Variants in RPA3 observed in about 807,000 individuals in gnomAD.
The protein encoded by RPA3 is replication protein A 14 kDa subunit.
In RPA3, 24 loss-of-function variants were observed where a neutral mutation model predicts 13.7. The observed-to-expected ratio is 1.75, with a 90% CI of 1.27 to 2.46. The LOEUF is 2.46. RPA3 is among the 30% of genes most tolerant of loss of function. The probability of loss-of-function intolerance (pLI) is 0.00; values close to 1 mark genes in which losing one functional copy is unlikely to be tolerated. For missense variants in RPA3, 183 were observed against 151.0 expected (o/e 1.21, Z -1.11); for synonymous variants, 59 against 51.2 (o/e 1.15, Z -0.65).
intron 4 of RPA3, among the ~76,000 whole-genome samples, chr7:7,683,749 A>C (rs1311220750): frequency 6.6e-6 from 1 of 151,916 alleles, no homozygotes; most frequent in Non-Finnish European, 1.5e-5. Flanking sequence ...CAGCCTCCCA[A>C]GTAGCTGGGA....
chr7:7,676,016 G>A, intron 4 of RPA3: 1 of 396,586 alleles, frequency 2.5e-6, no homozygotes, highest in East Asian at 3.6e-5. Context: ...AAGTTTTGAT[G>A]GTATCAGTCA....
chr7:7,673,186 C>T, intron 4 of RPA3: 2 of 721,054 alleles, frequency 2.8e-6, no homozygotes, highest in African/African-American at 1.7e-5. Context: ...CATGGTTTTA[C>T]ATGTGGCCAT....
intron 2 of RPA3, among the ~76,000 whole-genome samples, chr7:7,699,627 C>G (rs749520665): frequency 6.6e-6 from 1 of 152,124 alleles, no homozygotes; most frequent in African/African-American, 2.4e-5. Context: ...AAGTTTAGGA[C>G]CAGAAAAGAC....
intron 4 of RPA3, among the ~76,000 whole-genome samples, chr7:7,664,913 T>C (rs1023394493): frequency 1.3e-5 from 2 of 152,164 alleles, no homozygotes; most frequent in South Asian, 4.2e-4. Flanking sequence ...AGGAGGAAGG[T>C]TAAACATCGT....
rs139740364 is a variant in RPA3 at position 7,637,894 on chromosome 7, C to T, written c.253G>A (p.Val85Ile). 2 of 1,613,136 alleles carry T rather than the reference C, an allele frequency of 1.2e-6. No homozygotes were observed. The highest frequency in any genetic ancestry group is 2.7e-5 in the African/African-American group (2 of 74,878). ...GGATGGCTATCTTCTTTAAACTGGA[C>T]ATAAGATGTACACAAGATGGTGGCC... ...AKATILCTSY[V>I]QFKEDSHPFD... The change falls in exon 7 of 8, where the codon GTC becomes ATC. Residue 85 changes from valine to isoleucine, a missense_variant. Val to Ile is a conservative substitution (Grantham distance 29, BLOSUM62 3). Coordinates refer to ENST00000223129, the MANE Select transcript of RPA3 (RefSeq NM_002947.5).
chr7:7,667,367 G>C (rs1317974313), intron 4 of RPA3, among the ~76,000 whole-genome samples: 2 of 152,192 alleles, frequency 1.3e-5, no homozygotes, highest in East Asian at 1.9e-4. Context: ...CGGAAGTCCA[G>C]CTGTCAAGGC....
At chr7:7,657,786 G>C (rs1008458969) in intron 4 of RPA3, among the ~76,000 whole-genome samples, 1 of 152,098 alleles carries the variant, frequency 6.6e-6, no homozygotes, top group Non-Finnish European at 1.5e-5. Flanking sequence ...GATTATCTTG[G>C]CTATGTGGGC....
chr7:7,643,482 GGGT>G (rs1298946120), intron 4 of RPA3, among the ~76,000 whole-genome samples: 3 of 152,112 alleles, frequency 2.0e-5, no homozygotes. Context: ...AGGCTGAAGC[GGGT>G]GGATCACCTC....
intron 2 of RPA3, among the ~76,000 whole-genome samples, chr7:7,701,957 CTCT>C (rs1410307168): frequency 2.0e-5 from 3 of 152,188 alleles, no homozygotes; most frequent in Non-Finnish European, 4.4e-5. Flanking sequence ...GACCTCTTTT[CTCT>C]TCTTAACGAA....
chr7:7,642,833 T>A (rs959477119), intron 4 of RPA3, among the ~76,000 whole-genome samples: 2 of 152,114 alleles, frequency 1.3e-5, no homozygotes, highest in Non-Finnish European at 2.9e-5. Context: ...TATCTTGAAA[T>A]TTGTGTTAAG....
chr7:7,695,038 T>C (rs1463099881), intron 2 of RPA3, among the ~76,000 whole-genome samples: 1 of 152,204 alleles, frequency 6.6e-6, no homozygotes, highest in Non-Finnish European at 1.5e-5. Flanking sequence ...GCCATATCCT[T>C]GCCAGTGTTT....
intron 4 of RPA3, among the ~76,000 whole-genome samples, chr7:7,647,438 C>CA (rs1448136621): frequency 6.6e-6 from 1 of 151,916 alleles, no homozygotes; most frequent in Non-Finnish European, 1.5e-5. Context: ...GTGTGCTTGG[C>CA]AAAAAAATGT....
intron 4 of RPA3, among the ~76,000 whole-genome samples, chr7:7,663,804 G>A (rs901607467): frequency 1.3e-5 from 2 of 152,128 alleles, no homozygotes; most frequent in Admixed American, 6.5e-5. Context: ...CATTTTTATG[G>A]ATAGGAATTA....
intron 2 of RPA3, among the ~76,000 whole-genome samples, chr7:7,698,292 T>C (rs1780364692): frequency 6.6e-6 from 1 of 152,236 alleles, no homozygotes; most frequent in South Asian, 2.1e-4. Context: ...TTCCCATTCT[T>C]GAAGTAACTA....
At chr7:7,690,834 A>G (rs568673109) in intron 2 of RPA3, among the ~76,000 whole-genome samples, 19 of 152,314 alleles carry the variant, frequency 1.2e-4, no homozygotes, top group Non-Finnish European at 2.2e-4. Context: ...TTCATTGCTA[A>G]AGTTGGGTTA....
intron 4 of RPA3, among the ~76,000 whole-genome samples, chr7:7,664,417 A>T (rs7801790): frequency 0.013 from 1,971 of 152,282 alleles, 39 homozygotes; most frequent in African/African-American, 0.045. Context: ...CTGCCCAGTA[A>T]TGTCCAACAA....
chr7:7,676,257 G>A (rs891976858), intron 4 of RPA3: 38 of 398,114 alleles, frequency 9.5e-5, no homozygotes, highest in Middle Eastern at 1.2e-3. Flanking sequence ...AAATGAGCAC[G>A]ATATCGGTAC....
chr7:7,680,501 A>G (rs1383048376), intron 4 of RPA3, among the ~76,000 whole-genome samples: 2 of 152,192 alleles, frequency 1.3e-5, no homozygotes, highest in African/African-American at 4.8e-5. Context: ...GTTTTTGCTT[A>G]GAACAGTTTT....
chr7:7,647,326 AG>A (rs1785119768), intron 4 of RPA3, among the ~76,000 whole-genome samples: 1 of 152,148 alleles, frequency 6.6e-6, no homozygotes, highest in African/African-American at 2.4e-5. Context: ...TTATAATCTG[AG>A]GGTATGGTTT....
Sources: allele counts gnomAD v4.1 joint callset (sites outside exome capture counted in the v4.1 genomes callset), GRCh38; gene constraint gnomAD v4.1.1; transcripts MANE v1.5; gene names NCBI Gene and HGNC (gene_info 2026-07-23, HGNC 2026-07-21).